The following LRRC4B variants were observed in gnomAD, a reference collection of about 807,000 sequenced individuals.
The protein encoded by LRRC4B is leucine-rich repeat-containing protein 4B.
In LRRC4B, 1 loss-of-function variant was observed where a neutral mutation model predicts 7.3. That is an observed-to-expected ratio of 0.14 (90% CI 0.05 to 0.65). The LOEUF (loss-of-function observed/expected upper bound fraction) is 0.65, where lower values mean the gene tolerates loss of function less well. LRRC4B is among the 30% of genes least tolerant of loss of function. The probability of loss-of-function intolerance (pLI) is 0.84; values close to 1 mark genes in which losing one functional copy is unlikely to be tolerated. For synonymous variants in LRRC4B, 500 were observed against 499.2 expected, an observed-to-expected ratio of 1.00 and a Z score of -0.02; for missense variants, 730 against 1,041.6, an observed-to-expected ratio of 0.70 and a Z score of 4.12.
Position 50,541,056 on chromosome 19 carries a change from T to C in LRRC4B, c.297+7486A>G, listed in dbSNP as rs562175867. Among the ~76,000 whole-genome samples, 467 of 151,516 alleles carry C rather than the reference T, an allele frequency of 3.1e-3. 5 individuals are homozygous for C. Among genetic ancestry groups the C allele is most frequent in the South Asian group, 6.7e-3 (32 of 4,766 alleles). ...AAAAGTAGCCGGGCGTGCTGGTGGG[T>C]GCCTGTAGTCCCAGCTACTCGGGAG... On this transcript the variant is annotated intron_variant, in intron 2 of 2. Coordinates refer to ENST00000652263, the MANE Select transcript of LRRC4B (RefSeq NM_001080457.2).
intron 1 of LRRC4B, among the ~76,000 whole-genome samples, chr19:50,552,781 C>T (rs1982146776): frequency 6.6e-6 from 1 of 152,090 alleles, no homozygotes; most frequent in Non-Finnish European, 1.5e-5. Context: ...TCCATCCATC[C>T]GTCCACCCAT....
chr19:50,558,766 C>T (rs1393038703), intron 1 of LRRC4B, among the ~76,000 whole-genome samples: 1 of 152,236 alleles, frequency 6.6e-6, no homozygotes, highest in Non-Finnish European at 1.5e-5. Flanking sequence ...AACCACTGAT[C>T]CTGCTTGGAA....
intron 1 of LRRC4B, among the ~76,000 whole-genome samples, chr19:50,567,721 C>A (rs1035492259): frequency 6.8e-6 from 1 of 146,346 alleles, no homozygotes; most frequent in African/African-American, 2.5e-5. Context: ...AACCACCCCC[C>A]CCACAGCACA....
intron 2 of LRRC4B, among the ~76,000 whole-genome samples, chr19:50,520,247 A>AT: frequency 6.2e-5 from 1 of 16,184 alleles, no homozygotes; most frequent in Non-Finnish European, 9.4e-5. Context: ...AAAAAAAAAA[A>AT]GAAGAAAAGA....
intron 2 of LRRC4B, among the ~76,000 whole-genome samples, chr19:50,536,653 T>G (rs1981304148): frequency 6.6e-6 from 1 of 152,144 alleles, no homozygotes; most frequent in Non-Finnish European, 1.5e-5. Context: ...GGGTCTCAGC[T>G]CAGCTCCTAG....
intron 2 of LRRC4B, among the ~76,000 whole-genome samples, chr19:50,529,852 T>C (rs1197647337): frequency 6.6e-6 from 1 of 152,160 alleles, no homozygotes; most frequent in African/African-American, 2.4e-5. Flanking sequence ...GTCCATGTGC[T>C]GTCAAGAGCC....
intron 2 of LRRC4B, among the ~76,000 whole-genome samples, chr19:50,533,686 A>G (rs1382108568): frequency 6.6e-6 from 1 of 152,230 alleles, no homozygotes; most frequent in Non-Finnish European, 1.5e-5. Flanking sequence ...GGGGGGAATC[A>G]TAATTTGTTA....
At chr19:50,561,997 A>AATCAGGAGCCTGAG (rs879496377) in intron 1 of LRRC4B, among the ~76,000 whole-genome samples, 1 of 151,698 alleles carries the variant, frequency 6.6e-6, no homozygotes. Flanking sequence ...GCGTGCCTGT[A>AATCAGGAGCCTGAG]GTCTCAGCTA....
intron 2 of LRRC4B, among the ~76,000 whole-genome samples, chr19:50,529,769 C>T (rs12980559): frequency 0.011 from 1,649 of 152,258 alleles, 18 homozygotes; most frequent in Middle Eastern, 0.037. Flanking sequence ...CACTGCGCTC[C>T]AGCCTGGGCA....
chr19:50,522,459 A>AT (rs1491583815), intron 2 of LRRC4B, among the ~76,000 whole-genome samples: 2 of 147,094 alleles, frequency 1.4e-5, no homozygotes, highest in African/African-American at 5.0e-5. Flanking sequence ...TATTTTATTT[A>AT]TTATTTATTT....
intron 1 of LRRC4B, among the ~76,000 whole-genome samples, chr19:50,560,795 T>C (rs1982435952): frequency 6.6e-6 from 1 of 152,144 alleles, no homozygotes; most frequent in South Asian, 2.1e-4. Flanking sequence ...TTAAAAGTTA[T>C]CATTTATTCT....
chr19:50,531,326 CCA>C (rs1416581664), intron 2 of LRRC4B, among the ~76,000 whole-genome samples: 1 of 152,222 alleles, frequency 6.6e-6, no homozygotes, highest in Non-Finnish European at 1.5e-5. Context: ...GGGCTCCAGC[CCA>C]CAGTGTTTTC....
intron 2 of LRRC4B, among the ~76,000 whole-genome samples, chr19:50,541,183 CA>C (rs1411592009): frequency 3.8e-4 from 48 of 125,240 alleles, no homozygotes; most frequent in Admixed American, 4.2e-4. Context: ...GGCTCTGTCT[CA>C]AAAAAAAAAA....
At chr19:50,541,094 G>T (rs529880328) in intron 2 of LRRC4B, among the ~76,000 whole-genome samples, 1 of 151,834 alleles carries the variant, frequency 6.6e-6, no homozygotes, top group Non-Finnish European at 1.5e-5. Context: ...TGAAGCAGGA[G>T]AATGGCGTGA....
intron 2 of LRRC4B, among the ~76,000 whole-genome samples, chr19:50,541,100 C>T (rs753080011): frequency 6.6e-6 from 1 of 151,564 alleles, no homozygotes; most frequent in East Asian, 1.9e-4. Context: ...AGGAGAATGG[C>T]GTGAACCCGG....
rs1311959783 is a variant in LRRC4B, at chr19:50,518,428, G to C, written c.1285C>G (p.Gln429Glu). 23 of 1,556,986 alleles carry C rather than the reference G, an allele frequency of 1.5e-5. No homozygotes were observed. Among genetic ancestry groups the C allele is most frequent in the Non-Finnish European group, 2.0e-5 (23 of 1,153,474 alleles). Residue 429 changes from glutamine to glutamate, a missense_variant, in exon 3 of 3, where the codon CAG becomes GAG. Physicochemically the swap from Gln to Glu is conservative, Grantham distance 29. Transcript: ENST00000652263. ...GTLNFTNVTVQDTGQYTCMVT... is the reference protein window; with the variant it reads ...GTLNFTNVTVEDTGQYTCMVT... ...ATGCACGTGTACTGGCCCGTGTCCT[G>C]CACGGTGACGTTGGTGAAGTTAAGC...
In LRRC4B at chr19:50,563,012, C is replaced by T. The variant is rs1224547625; in HGVS notation, c.-36+4932G>A. On this transcript the variant is annotated intron_variant, in intron 1 of 2. Transcript: ENST00000652263. The surrounding 1 kb of genome is among the most constrained non-coding windows in gnomAD (Gnocchi z 4.9). ...GCCTCAGCCTCCCAAAGTGTTGAGACGGCGTGAGCCACCATGCCTGGCCTG... is the reference window on the plus strand; with the variant it reads ...GCCTCAGCCTCCCAAAGTGTTGAGATGGCGTGAGCCACCATGCCTGGCCTG... Among the ~76,000 whole-genome samples, 5 of 152,034 alleles carry T rather than the reference C, an allele frequency of 3.3e-5. No homozygotes were observed. The highest frequency in any genetic ancestry group is 4.8e-5 in the African/African-American group (2 of 41,398).
At chr19:50,538,559 G>GTTTTTTTTTTTTTTT (rs71886675) in intron 2 of LRRC4B, among the ~76,000 whole-genome samples, 5 of 90,324 alleles carry the variant, frequency 5.5e-5, no homozygotes, top group Non-Finnish European at 1.2e-4. Flanking sequence ...GTTTTGTCTT[G>GTTTTTTTTTTTTTTT]TTTTTTTTTT....
chr19:50,568,278 G>GCCTTCCTT lies in LRRC4B; in HGVS notation c.-378_-371dup, dbSNP rs920367609. Among the ~76,000 whole-genome samples, 3 of 151,032 alleles carry GCCTTCCTT rather than the reference G, an allele frequency of 2.0e-5. No individual in the cohort carries two copies. Among genetic ancestry groups the GCCTTCCTT allele is most frequent in the Admixed American group, 2.0e-4 (3 of 15,176 alleles). Reference sequence around the variant, plus strand: ...TTCTTTCCTGGCTTCCTTCCTTCCAGCCTTCCTTCCTTCCTTCCTCCCTCC... The same window carrying GCCTTCCTT: ...TTCTTTCCTGGCTTCCTTCCTTCCAGCCTTCCTTCCTTCCTTCCTTCCTTCCTCCCTCC... On this transcript the variant is annotated 5_prime_UTR_variant, in exon 1 of 3. Transcript: ENST00000652263.
Sources: gnomAD v4.1 joint callset for allele counts (sites outside exome capture counted in the v4.1 genomes callset) on GRCh38, gnomAD v4.1.1 for gene constraint, Gnocchi (gnomAD v3.1) non-coding constraint, MANE v1.5 for transcripts, NCBI Gene and HGNC (gene_info 2026-07-23, HGNC 2026-07-21) for gene names.